Variants in GRIK2 observed in about 807,000 individuals in gnomAD.
GRIK2 encodes the protein glutamate ionotropic receptor kainate type subunit 2.
Under a neutral mutation model 100.3 loss-of-function variants are expected in GRIK2, and 32 were observed. The ratio of observed to expected loss-of-function variants is 0.32; its 90% CI spans 0.24 to 0.43. The LOEUF (loss-of-function observed/expected upper bound fraction) is 0.43. Ranked by LOEUF, GRIK2 falls within the 20% of genes least tolerant of loss-of-function variation. GRIK2 has a pLI of 1.00. For missense variants in GRIK2, 843 were observed against 1,114.9 expected (o/e 0.76, Z 3.47); for synonymous variants, 417 against 389.4 (o/e 1.07, Z -0.83).
chr6:101,984,656 C>CACACACA (rs1582667125), intron 14 of GRIK2, among the ~76,000 whole-genome samples: 45 of 127,448 alleles, frequency 3.5e-4, no homozygotes, highest in Middle Eastern at 5.1e-3. Context: ...CACACACACA[C>CACACACA]CCTTCAACTT....
At chr6:101,738,011 G>C (rs1209097408) in intron 7 of GRIK2, among the ~76,000 whole-genome samples, 1 of 152,098 alleles carries the variant, frequency 6.6e-6, no homozygotes, top group East Asian at 1.9e-4. Flanking sequence ...AGAAGATAGA[G>C]ATTGAGACAT....
chr6:101,979,479 A>C (rs951516888), intron 14 of GRIK2, among the ~76,000 whole-genome samples: 1 of 151,994 alleles, frequency 6.6e-6, no homozygotes, highest in African/African-American at 2.4e-5. Flanking sequence ...GAAGAGATTG[A>C]GCATGAAAGG....
In GRIK2 at chr6:101,888,837, C is replaced by A. The variant is rs1786844053; in HGVS notation, c.1525-803C>A. ...TGAATGTAGCAATATAGCTTCTCAT[C>A]ACAGATGCTTTCATTATTTTAAAAT... is the stretch of plus-strand genomic sequence containing the variant. On this transcript the variant is annotated intron_variant, in intron 11 of 16. Coordinates refer to ENST00000369134, the MANE Select transcript of GRIK2 (RefSeq NM_021956.5). Among the ~76,000 whole-genome samples, 4 of 152,062 alleles carry A rather than the reference C, an allele frequency of 2.6e-5. No homozygotes were observed. In the South Asian group the frequency reaches 8.3e-4, roughly 32 times the overall value.
At chr6:101,562,841 A>G (rs2061636232) in intron 2 of GRIK2, among the ~76,000 whole-genome samples, 1 of 152,126 alleles carries the variant, frequency 6.6e-6, no homozygotes, top group Non-Finnish European at 1.5e-5. Flanking sequence ...TTAATAATTT[A>G]CTTTTCACAT....
intron 12 of GRIK2, among the ~76,000 whole-genome samples, chr6:101,921,988 AT>A (rs200167613): frequency 6.6e-6 from 1 of 151,822 alleles, no homozygotes; most frequent in East Asian, 1.9e-4. Flanking sequence ...CCAAACATTT[AT>A]TTTTTTCTCT....
intron 2 of GRIK2, among the ~76,000 whole-genome samples, chr6:101,526,126 T>C (rs142498860): frequency 6.6e-6 from 1 of 152,314 alleles, no homozygotes; most frequent in African/African-American, 2.4e-5. Flanking sequence ...CCGACCTCAG[T>C]GCAGATGGCT....
chr6:101,622,001 A>G lies in GRIK2; in HGVS notation c.168A>G (p.Ala56=). Residue 56 remains alanine, a synonymous_variant, in exon 3 of 17, where the codon GCA becomes GCG. Transcript: ENST00000369134. Reference sequence around the variant, plus strand: ...GCCCAATGGGAGCTGAGGAACTTGCATTCAGATTTGCTGTGAACACAATTA... The same window carrying G: ...GCCCAATGGGAGCTGAGGAACTTGCGTTCAGATTTGCTGTGAACACAATTA... ...ESGPMGAEEL[A]FRFAVNTINR... is the part of the protein sequence containing the mutation. The G allele has an allele frequency of 6.2e-7, 1 of 1,609,252 alleles. No individual in the cohort carries two copies. Among genetic ancestry groups the G allele is most frequent in the Non-Finnish European group, 8.5e-7 (1 of 1,175,720 alleles).
chr6:102,013,609 A>G (rs1448966313), intron 14 of GRIK2, among the ~76,000 whole-genome samples: 1 of 152,114 alleles, frequency 6.6e-6, no homozygotes, highest in Admixed American at 6.5e-5. Flanking sequence ...ATGTTGCTTC[A>G]ATATCTAATT....
chr6:102,004,788 A>G (rs775696299), intron 14 of GRIK2, among the ~76,000 whole-genome samples: 4 of 151,992 alleles, frequency 2.6e-5, no homozygotes, highest in African/African-American at 7.2e-5. Flanking sequence ...AGAGAAATGT[A>G]TTTATATAGA....
In GRIK2 at chr6:101,843,461, T is replaced by C. The variant is rs572051581; in HGVS notation, c.1318-15826T>C. On this transcript the variant is annotated intron_variant, in intron 10 of 16. Transcript: ENST00000369134. ...CATCTACGCCACTTCTTTAACTCCATAGTTATCTGTCTTGACTGCATATTT... is the reference window on the plus strand; with the variant it reads ...CATCTACGCCACTTCTTTAACTCCACAGTTATCTGTCTTGACTGCATATTT... Among the ~76,000 whole-genome samples the C allele has an allele frequency of 2.0e-5, 3 of 152,320 alleles. No individual in the cohort carries two copies. The South Asian group carries it at 6.2e-4, about 32-fold the overall frequency.
At chr6:101,530,968 A>T (rs369477597) in intron 2 of GRIK2, among the ~76,000 whole-genome samples, 1 of 152,040 alleles carries the variant, frequency 6.6e-6, no homozygotes, top group East Asian at 1.9e-4. Context: ...AGAGCTACAC[A>T]TTAGTGATAA....
At chr6:101,698,574 A>G (rs186686640) in intron 7 of GRIK2, among the ~76,000 whole-genome samples, 239 of 152,234 alleles carry the variant, frequency 1.6e-3, no homozygotes, top group African/African-American at 5.6e-3. Flanking sequence ...AGATGTTGAA[A>G]TGGTACCAAA....
At position 101,521,258 on chromosome 6, in the gene GRIK2, C is replaced by T. The variant is rs559678196; in HGVS notation, c.116-100691C>T. On this transcript the variant is annotated intron_variant, in intron 2 of 16. Transcript: ENST00000369134. ...AAAGAAAACTATTGTATATAGTAAACCTTAATGTGCTTTAATAGACTTTGT... is the reference window on the plus strand; with the variant it reads ...AAAGAAAACTATTGTATATAGTAAATCTTAATGTGCTTTAATAGACTTTGT... 6.6e-5 allele frequency among the ~76,000 whole-genome samples: 10 copies of T among 151,206 alleles called. No individual in the cohort carries two copies. In the South Asian group the frequency reaches 2.1e-3, roughly 32 times the overall value.
chr6:101,907,300 G>A (rs563548432), intron 12 of GRIK2, among the ~76,000 whole-genome samples: 9 of 151,660 alleles, frequency 5.9e-5, no homozygotes, highest in Admixed American at 2.6e-4. Flanking sequence ...AAGACATTTA[G>A]GGAAACTTAA....
At chr6:101,635,330 A>C (rs1668715649) in intron 4 of GRIK2, among the ~76,000 whole-genome samples, 2 of 152,002 alleles carry the variant, frequency 1.3e-5, no homozygotes, top group African/African-American at 4.8e-5. Flanking sequence ...GCAATCATAA[A>C]AATTTTTTTA....
chr6:101,847,333 CTT>C lies in GRIK2; in HGVS notation c.1318-11947_1318-11946del, dbSNP rs374921083. 7.7e-3 allele frequency among the ~76,000 whole-genome samples: 1,175 copies of C among 151,834 alleles called. 15 individuals are homozygous for C. The highest frequency in any genetic ancestry group is 0.026 in the African/African-American group (1,098 of 41,462). The stretch of plus-strand genomic sequence containing the variant: ...TGTACTTTCTTGTTTGTATTTTTCA[CTT>C]TTTTTTGGTTAAAAAATGGGCATTT... On this transcript the variant is annotated intron_variant, in intron 10 of 16. Transcript: ENST00000369134.
At chr6:101,543,930 G>A (rs1279948805) in intron 2 of GRIK2, among the ~76,000 whole-genome samples, 6 of 152,124 alleles carry the variant, frequency 3.9e-5, no homozygotes, top group Admixed American at 3.9e-4. Flanking sequence ...ACAATGCCCA[G>A]TGATAGAAAA....
chr6:102,053,088 A>G (rs917587805), intron 15 of GRIK2, among the ~76,000 whole-genome samples: 3 of 130,882 alleles, frequency 2.3e-5, no homozygotes, highest in Non-Finnish European at 5.1e-5. Context: ...CAACAACAAC[A>G]ACAACACACA....
chr6:101,749,765 C>T (rs116579853), intron 7 of GRIK2, among the ~76,000 whole-genome samples: 2,737 of 149,674 alleles, frequency 0.018, 75 homozygotes, highest in African/African-American at 0.063. Context: ...GCAACACAAG[C>T]TAACTATTGC....
Sources: allele counts gnomAD v4.1 joint callset (sites outside exome capture counted in the v4.1 genomes callset), GRCh38; gene constraint gnomAD v4.1.1; transcripts MANE v1.5; gene names NCBI Gene and HGNC (gene_info 2026-07-23, HGNC 2026-07-21).